Variants in PLXNA4 observed in about 807,000 individuals in gnomAD.
PLXNA4 encodes plexin A4.
PLXNA4 carries 44 observed loss-of-function variants against 191.8 expected under a neutral mutation model. That is an observed-to-expected ratio of 0.23 (90% confidence interval 0.18 to 0.29). PLXNA4 has a LOEUF of 0.29. PLXNA4 is among the 10% of genes least tolerant of loss of function. The probability of loss-of-function intolerance (pLI) is 1.00; values close to 1 mark genes in which losing one functional copy is unlikely to be tolerated. For missense variants in PLXNA4, 1,800 were observed against 2,488.8 expected (o/e 0.72, Z 5.89); for synonymous variants, 1,082 against 1,009.5 (o/e 1.07, Z -1.36).
chr7:132,313,939 T>C (rs1801846440), intron 3 of PLXNA4, among the ~76,000 whole-genome samples: 1 of 152,128 alleles, frequency 6.6e-6, no homozygotes, highest in African/African-American at 2.4e-5. Flanking sequence ...CAAATCACTA[T>C]TTCCTACTTC....
At chr7:132,565,037 A>C (rs918819717) in intron 1 of PLXNA4, among the ~76,000 whole-genome samples, 2 of 152,174 alleles carry the variant, frequency 1.3e-5, no homozygotes, top group East Asian at 3.8e-4. Flanking sequence ...TCACCAGATC[A>C]GCAAACACAC....
At chr7:132,234,488 A>T (rs10441389) in intron 5 of PLXNA4, among the ~76,000 whole-genome samples, 82,891 of 151,948 alleles carry the variant, frequency 0.55, 23,523 homozygotes, top group East Asian at 0.7. Context: ...ATCCAAGTCA[A>T]TAGACTGGGA....
At chr7:132,536,237 T>G (rs1799826701) in intron 1 of PLXNA4, among the ~76,000 whole-genome samples, 1 of 152,228 alleles carries the variant, frequency 6.6e-6, no homozygotes, top group Admixed American at 6.5e-5. Flanking sequence ...CGGTTATTAT[T>G]GCCATCATGA....
intron 3 of PLXNA4, chr7:132,384,709 T>G: frequency 9.8e-7 from 1 of 1,020,000 alleles, no homozygotes; most frequent in Admixed American, 5.1e-5. Context: ...CTCTCTGCCC[T>G]GTGTATGCAC....
intron 4 of PLXNA4, among the ~76,000 whole-genome samples, chr7:132,296,358 G>A (rs181405794): frequency 1.3e-5 from 2 of 152,254 alleles, no homozygotes; most frequent in East Asian, 3.9e-4. Flanking sequence ...AAGGAGTAAT[G>A]CTCAGAATGC....
intron 4 of PLXNA4, among the ~76,000 whole-genome samples, chr7:132,257,204 C>G (rs568425216): frequency 3.8e-4 from 58 of 152,312 alleles, no homozygotes; most frequent in African/African-American, 1.3e-3. Context: ...GTAACTCTCT[C>G]GTGATGAGCT....
At chr7:132,238,968 A>T (rs1798793112) in intron 5 of PLXNA4, among the ~76,000 whole-genome samples, 2 of 152,154 alleles carry the variant, frequency 1.3e-5, no homozygotes, top group South Asian at 4.1e-4. Context: ...GAGGCAGGGG[A>T]GACAGGCATC....
chr7:132,445,871 C>A (rs1021942421), intron 3 of PLXNA4, among the ~76,000 whole-genome samples: 3 of 152,156 alleles, frequency 2.0e-5, no homozygotes, highest in Non-Finnish European at 2.9e-5. Context: ...CCTCACACAG[C>A]CTCTCAGGCT....
chr7:132,437,395 C>T (rs1344190615), intron 3 of PLXNA4, among the ~76,000 whole-genome samples: 6 of 152,140 alleles, frequency 3.9e-5, no homozygotes, highest in East Asian at 1.9e-4. Context: ...TGTGACCACA[C>T]GTGTGTGTGC....
At chr7:132,628,547 A>G (rs1388160976) in intron 2 of PLXNA4, among the ~76,000 whole-genome samples, 1 of 151,730 alleles carries the variant, frequency 6.6e-6, no homozygotes, top group Non-Finnish European at 1.5e-5. Flanking sequence ...TTTGTTTCTA[A>G]AAATGTCCTC....
chr7:132,183,383 G>A (rs1449293138), intron 16 of PLXNA4, among the ~76,000 whole-genome samples: 1 of 152,156 alleles, frequency 6.6e-6, no homozygotes, highest in African/African-American at 2.4e-5. Flanking sequence ...CTGTTCACAA[G>A]TAACCCAGGT....
chr7:132,487,454 G>A (rs1045272704), intron 3 of PLXNA4, among the ~76,000 whole-genome samples: 1 of 152,170 alleles, frequency 6.6e-6, no homozygotes, highest in Admixed American at 6.5e-5. Context: ...ACACAGTAAT[G>A]CCCCCGGTAT....
intron 3 of PLXNA4, among the ~76,000 whole-genome samples, chr7:132,305,406 A>ACACT (rs1491312866): frequency 3.6e-5 from 5 of 140,074 alleles, no homozygotes; most frequent in African/African-American, 1.1e-4. Context: ...ACACACACAC[A>ACACT]CTCTACTCTG....
intron 2 of PLXNA4, among the ~76,000 whole-genome samples, chr7:132,603,507 G>A (rs1802859693): frequency 6.6e-6 from 1 of 152,176 alleles, no homozygotes; most frequent in South Asian, 2.1e-4. Context: ...AGCTTTGCCT[G>A]CAGGAAGAAG....
At position 132,181,560 on chromosome 7, in the gene PLXNA4, G is replaced by T; in HGVS notation, c.3313C>A (p.Pro1105Thr). Residue 1105 changes from proline to threonine, a missense_variant, in exon 18 of 32, where the codon CCT (proline) becomes ACT (threonine). Coordinates refer to ENST00000321063, the MANE Select transcript of PLXNA4 (RefSeq NM_020911.2). The part of the protein sequence containing the change: ...TCQAPALALG[P>T]DHQSDLTERP... ...TCGGTCAGGTCTGACTGGTGGTCAGGACCCAGAGCGAGGGCGGGCGCCTGA... is the reference window on the plus strand; with the variant it reads ...TCGGTCAGGTCTGACTGGTGGTCAGTACCCAGAGCGAGGGCGGGCGCCTGA... 6.2e-7 allele frequency: 1 copy of T among 1,614,180 alleles called. No individual in the cohort carries two copies. The highest frequency in any genetic ancestry group is 8.5e-7 in the Non-Finnish European group (1 of 1,180,042).
chr7:132,425,818 G>A (rs1333694869), intron 3 of PLXNA4, among the ~76,000 whole-genome samples: 2 of 152,218 alleles, frequency 1.3e-5, no homozygotes, highest in African/African-American at 4.8e-5. Context: ...CTCCATCGAG[G>A]TGGGGGCGGG....
At chr7:132,184,553 T>G (rs975919435) in intron 16 of PLXNA4, among the ~76,000 whole-genome samples, 4 of 152,202 alleles carry the variant, frequency 2.6e-5, no homozygotes, top group Non-Finnish European at 5.9e-5. Context: ...CCAGGGACCC[T>G]AGAGATCCTG....
chr7:132,601,120 G>C (rs1163181201), intron 2 of PLXNA4, among the ~76,000 whole-genome samples: 3 of 152,048 alleles, frequency 2.0e-5, no homozygotes, highest in Non-Finnish European at 4.4e-5. Flanking sequence ...AATATGTTTT[G>C]TCAATCTTCA....
rs1479766409 is a variant in PLXNA4 at position 132,508,982 on chromosome 7, T to A, written c.-86-203A>T. On this transcript the variant is annotated intron_variant, in intron 1 of 31. Coordinates refer to ENST00000321063, the MANE Select transcript of PLXNA4 (RefSeq NM_020911.2). This position sits in a 1 kb window ranked among gnomAD's most constrained non-coding sequence, Gnocchi z 4.4. ...GTGGCAGCAGCCCCAGGAGGACACATCAGTAACGATAATGGTGGTGATGAT... is the reference window on the plus strand; with the variant it reads ...GTGGCAGCAGCCCCAGGAGGACACAACAGTAACGATAATGGTGGTGATGAT... Among the ~76,000 whole-genome samples the A allele has an allele frequency of 6.6e-6, 1 of 150,484 alleles. No homozygotes were observed. Among genetic ancestry groups the A allele is most frequent in the Non-Finnish European group, 1.5e-5 (1 of 67,770 alleles).
Sources: allele counts gnomAD v4.1 joint callset (sites outside exome capture counted in the v4.1 genomes callset), GRCh38; gene constraint gnomAD v4.1.1; non-coding constraint Gnocchi (gnomAD v3.1); transcripts MANE v1.5; gene names NCBI Gene and HGNC (gene_info 2026-07-23, HGNC 2026-07-21).